The following KLF8 variants were observed in gnomAD, a reference collection of about 807,000 sequenced individuals.
The protein encoded by KLF8 is Krueppel-like factor 8.
KLF8 carries 10 observed loss-of-function variants against 18.2 expected under a neutral mutation model. That is an observed-to-expected ratio of 0.55 (90% CI 0.34 to 0.93). KLF8 has a LOEUF of 0.93. KLF8 is among the 40% of genes least tolerant of loss of function. The pLI is 0.02. For missense variants in KLF8, 264 were observed against 277.9 expected, an observed-to-expected ratio of 0.95 and a Z score of 0.36; for synonymous variants, 109 against 97.3, an observed-to-expected ratio of 1.12 and a Z score of -0.71.
At chrX:55,953,785 CCTTA>C in the KLF8 span, among the ~76,000 whole-genome samples, 1 of 110,041 alleles carries the variant, frequency 9.1e-6, no homozygotes, top group Non-Finnish European at 1.9e-5. Context: ...AAAATTGGAC[CCTTA>C]CTTCATACCA....
At chrX:56,171,776 T>G in the KLF8 span, among the ~76,000 whole-genome samples, 1 of 112,026 alleles carries the variant, frequency 8.9e-6, no homozygotes, top group Admixed American at 9.5e-5. Context: ...CTATCATTGA[T>G]GGACATTTGG....
the KLF8 span, among the ~76,000 whole-genome samples, chrX:56,083,279 C>A: frequency 9.8e-4 from 110 of 111,904 alleles, no homozygotes; most frequent in African/African-American, 3.5e-3. Context: ...TTATGAGGTT[C>A]ATTTAACTCA....
At chrX:56,037,777 G>A in the KLF8 span, among the ~76,000 whole-genome samples, 1 of 111,164 alleles carries the variant, frequency 9.0e-6, no homozygotes, top group Admixed American at 9.6e-5. Context: ...GGAGAATGGA[G>A]TATCCATCCC....
At chrX:56,056,831 TAA>T in the KLF8 span, among the ~76,000 whole-genome samples, 512 of 62,672 alleles carry the variant, frequency 8.2e-3, 9 homozygotes, top group African/African-American at 0.029. Context: ...ATTGCAGGTG[TAA>T]AAAAAAAAAA....
the KLF8 span, among the ~76,000 whole-genome samples, chrX:56,162,532 A>G: frequency 3.6e-5 from 4 of 111,579 alleles, no homozygotes; most frequent in Non-Finnish European, 7.5e-5. Flanking sequence ...TGTGCTGGCA[A>G]TGAGCGAGGC....
the KLF8 span, among the ~76,000 whole-genome samples, chrX:56,207,821 C>A: frequency 9.1e-6 from 1 of 110,172 alleles, no homozygotes; most frequent in South Asian, 3.9e-4. Flanking sequence ...CTACCAATAC[C>A]AGTTTACTGT....
chrX:56,186,039 T>A, the KLF8 span, among the ~76,000 whole-genome samples: 1 of 112,088 alleles, frequency 8.9e-6, no homozygotes, highest in African/African-American at 3.2e-5. Context: ...TAACTTTAAA[T>A]GTAAATGCAC....
At chrX:56,219,702 A>C in the KLF8 span, among the ~76,000 whole-genome samples, 1 of 110,953 alleles carries the variant, frequency 9.0e-6, no homozygotes, top group Non-Finnish European at 1.9e-5. Context: ...GAATACAAAA[A>C]TTAGCTGGGC....
At chrX:55,946,863 G>A in the KLF8 span, among the ~76,000 whole-genome samples, 1 of 111,783 alleles carries the variant, frequency 8.9e-6, no homozygotes, top group Non-Finnish European at 1.9e-5. Context: ...AGACATTTAT[G>A]CAGCCAAAAA....
chrX:56,141,210 G>A, the KLF8 span, among the ~76,000 whole-genome samples: 16 of 111,763 alleles, frequency 1.4e-4, no homozygotes, highest in Admixed American at 5.7e-4. Flanking sequence ...CAAGTGATCC[G>A]CTTTCCTTGG....
chrX:55,938,809 CAAG>C, the KLF8 span, among the ~76,000 whole-genome samples: 1 of 111,607 alleles, frequency 9.0e-6, no homozygotes, highest in Non-Finnish European at 1.9e-5. Context: ...GGGATCAATT[CAAG>C]AAGAAGACCT....
At chrX:56,011,506 A>G in the KLF8 span, among the ~76,000 whole-genome samples, 2 of 112,057 alleles carry the variant, frequency 1.8e-5, no homozygotes, top group Non-Finnish European at 1.9e-5. Flanking sequence ...TCAAACAGCT[A>G]GAAAGAGCTC....
chrX:56,123,171 T>A, the KLF8 span, among the ~76,000 whole-genome samples: 2 of 109,880 alleles, frequency 1.8e-5, no homozygotes, highest in Middle Eastern at 4.6e-3. Flanking sequence ...TTTCTCTGTG[T>A]TACTTAAGCT....
the KLF8 span, among the ~76,000 whole-genome samples, chrX:56,078,786 T>G: frequency 9.0e-6 from 1 of 111,389 alleles, no homozygotes; most frequent in African/African-American, 3.3e-5. Flanking sequence ...CTCTTTTTTG[T>G]TGGTAAGCTA....
chrX:55,982,295 T>C, the KLF8 span, among the ~76,000 whole-genome samples: 1 of 111,869 alleles, frequency 8.9e-6, no homozygotes, highest in Non-Finnish European at 1.9e-5. Flanking sequence ...GTCTTACTTC[T>C]ACAACCAACG....
At chrX:56,145,010 C>G in the KLF8 span, among the ~76,000 whole-genome samples, 1 of 109,380 alleles carries the variant, frequency 9.1e-6, no homozygotes, top group Non-Finnish European at 1.9e-5. Flanking sequence ...CCAGGCTGGT[C>G]TTGAACTCCT....
the KLF8 span, among the ~76,000 whole-genome samples, chrX:56,132,550 G>T: frequency 1.8e-5 from 2 of 110,942 alleles, no homozygotes; most frequent in Non-Finnish European, 3.8e-5. Context: ...AGCACAAATG[G>T]ATAATCTGAG....
the KLF8 span, among the ~76,000 whole-genome samples, chrX:55,970,889 A>G: frequency 9.0e-6 from 1 of 111,581 alleles, no homozygotes; most frequent in South Asian, 3.7e-4. Context: ...AAAACTGTAA[A>G]ACACTGAGGA....
At chrX:55,931,258 T>G in the KLF8 span, among the ~76,000 whole-genome samples, 1 of 112,100 alleles carries the variant, frequency 8.9e-6, no homozygotes, top group South Asian at 3.7e-4. Context: ...TTATCTTTTT[T>G]TGTCTATTTG....
Sources: gnomAD v4.1 joint callset for allele counts (sites outside exome capture counted in the v4.1 genomes callset) on GRCh38, gnomAD v4.1.1 for gene constraint, MANE v1.5 for transcripts, NCBI Gene and HGNC (gene_info 2026-07-23, HGNC 2026-07-21) for gene names.